PLEKHM3: variants seen among roughly 807,000 people sequenced by gnomAD.
PLEKHM3 encodes the protein pleckstrin homology domain containing M3.
A neutral mutation model predicts 81.8 loss-of-function variants in PLEKHM3; 45 were observed. That is an observed-to-expected ratio of 0.55 (90% confidence interval 0.43 to 0.71). PLEKHM3 has a LOEUF of 0.71. Among genes scored for constraint, PLEKHM3 ranks in the 30% least tolerant of loss-of-function variants. The pLI, the probability that PLEKHM3 is intolerant of heterozygous loss-of-function variation, is 0.00. For synonymous variants in PLEKHM3, 352 were observed against 356.4 expected (o/e 0.99, Z 0.14); for missense variants, 788 against 924.3 (o/e 0.85, Z 1.91).
intron 2 of PLEKHM3, among the ~76,000 whole-genome samples, chr2:207,985,706 C>T (rs953062646): frequency 6.6e-6 from 1 of 151,810 alleles, no homozygotes; most frequent in Admixed American, 6.6e-5. Context: ...ATGTTCTGGC[C>T]GGGTGCGGTG....
At chr2:207,933,287 A>C (rs1425647186) in intron 4 of PLEKHM3, among the ~76,000 whole-genome samples, 1 of 152,226 alleles carries the variant, frequency 6.6e-6, no homozygotes, top group African/African-American at 2.4e-5. Context: ...CATTCAGTGG[A>C]GAATAAAACA....
chr2:207,936,689 C>T (rs1689763333), intron 4 of PLEKHM3, among the ~76,000 whole-genome samples: 1 of 151,932 alleles, frequency 6.6e-6, no homozygotes, highest in African/African-American at 2.4e-5. Context: ...TTGTACATGC[C>T]TATATCTAGG....
intron 6 of PLEKHM3, among the ~76,000 whole-genome samples, chr2:207,867,480 G>T (rs1311129511): frequency 6.6e-6 from 1 of 152,030 alleles, no homozygotes; most frequent in Non-Finnish European, 1.5e-5. Flanking sequence ...TATTCAGAAG[G>T]GTTAATCTTG....
At chr2:207,914,498 C>CAA (rs533478221) in intron 5 of PLEKHM3, among the ~76,000 whole-genome samples, 3 of 133,270 alleles carry the variant, frequency 2.3e-5, no homozygotes, top group Admixed American at 7.6e-5. Context: ...AACTCCGTCT[C>CAA]AAAAAAAAAA....
chr2:207,828,214 GA>G lies in PLEKHM3; in HGVS notation c.*104del. The G allele has an allele frequency of 9.4e-7, 1 of 1,061,730 alleles. No individual in the cohort carries two copies. The highest frequency in any genetic ancestry group is 1.4e-6 in the Non-Finnish European group (1 of 725,680). 65.8% of individuals were successfully genotyped at this position (1,061,730 alleles called of 1,614,324 possible). ...TATATATCTATATCTAGTTGAAGAG[GA>G]TACATACTCTTCTTCCAAAGGGGTC... is the stretch of plus-strand genomic sequence containing the variant. On this transcript the variant is annotated 3_prime_UTR_variant, in exon 8 of 8. Transcript: ENST00000427836.
At chr2:207,920,491 T>C (rs934028424) in intron 5 of PLEKHM3, among the ~76,000 whole-genome samples, 6 of 152,022 alleles carry the variant, frequency 3.9e-5, no homozygotes, top group Non-Finnish European at 8.8e-5. Flanking sequence ...GAAGAGAAAA[T>C]ATGACTTGAA....
chr2:207,829,789 G>A (rs577460984), intron 7 of PLEKHM3, among the ~76,000 whole-genome samples: 7 of 152,274 alleles, frequency 4.6e-5, no homozygotes, highest in African/African-American at 1.4e-4. Context: ...AGAGGGTTGC[G>A]AAGGAACCAG....
chr2:207,865,813 T>A (rs868693257), intron 6 of PLEKHM3, among the ~76,000 whole-genome samples: 10,510 of 65,602 alleles, frequency 0.16, 2,056 homozygotes, highest in Non-Finnish European at 0.24. Context: ...GATATATATA[T>A]ATATATATAT....
chr2:207,852,936 C>T (rs945107519), intron 7 of PLEKHM3: 26 of 392,726 alleles, frequency 6.6e-5, no homozygotes, highest in African/African-American at 5.3e-4. Context: ...TCTCACTCAA[C>T]ATGCACATCA....
intron 7 of PLEKHM3, among the ~76,000 whole-genome samples, chr2:207,846,511 A>AT (rs1160473014): frequency 6.6e-6 from 1 of 151,308 alleles, no homozygotes. Flanking sequence ...GCCAATTAAA[A>AT]TTTTTTTCCT....
chr2:207,865,766 AC>A (rs1326466624), intron 6 of PLEKHM3, among the ~76,000 whole-genome samples: 1 of 127,400 alleles, frequency 7.8e-6, no homozygotes, highest in Non-Finnish European at 1.6e-5. Flanking sequence ...GGCAACAAGA[AC>A]AAAAACTCCG....
rs200816436 is a variant in PLEKHM3 at position 207,908,555 on chromosome 2, G to C, written c.1909C>G (p.Leu637Val). The C allele has an allele frequency of 1.2e-4, 200 of 1,613,196 alleles. 2 individuals carry two copies. In the East Asian group the frequency reaches 3.7e-3, roughly 30 times the overall value. Residue 637 changes from leucine (L) to valine (V), a missense_variant, in exon 6 of 8, where the codon CTT (leucine) becomes GTT (valine). Physicochemically the swap from Leu to Val is conservative, Grantham distance 32. Coordinates refer to ENST00000427836, the MANE Select transcript of PLEKHM3 (RefSeq NM_001080475.3). ...RRRIFPREYL[L>V]QQIHLYSLAD... ...AGTGAATACAGGTGGATCTGTTGAA[G>C]GAGGTATTCTCTGGGGAAAATTCTG...
intron 7 of PLEKHM3, among the ~76,000 whole-genome samples, chr2:207,846,687 C>A (rs1000658084): frequency 4.0e-5 from 6 of 151,386 alleles, no homozygotes; most frequent in Admixed American, 2.6e-4. Flanking sequence ...GGTGCCACTG[C>A]ACTCCAGCCT....
intron 3 of PLEKHM3, among the ~76,000 whole-genome samples, chr2:207,948,765 G>A (rs187554410): frequency 0.013 from 1,993 of 152,126 alleles, 52 homozygotes; most frequent in African/African-American, 0.046. Context: ...GGATGGTCTC[G>A]ATCTCCTGAC....
intron 7 of PLEKHM3, among the ~76,000 whole-genome samples, chr2:207,860,065 TC>T (rs1199664612): frequency 6.6e-6 from 1 of 152,016 alleles, no homozygotes; most frequent in Non-Finnish European, 1.5e-5. Context: ...AGGAGTTTCC[TC>T]CCTTTAAGAG....
intron 1 of PLEKHM3, among the ~76,000 whole-genome samples, chr2:208,015,112 T>C (rs1477803292): frequency 6.6e-6 from 1 of 152,256 alleles, no homozygotes; most frequent in Non-Finnish European, 1.5e-5. Context: ...TTAAGCCTTT[T>C]ACTGCATTAT....
At chr2:207,980,868 C>A (rs1691498939) in intron 2 of PLEKHM3, among the ~76,000 whole-genome samples, 1 of 152,042 alleles carries the variant, frequency 6.6e-6, no homozygotes, top group Non-Finnish European at 1.5e-5. Flanking sequence ...GTGGCTTACA[C>A]CTGTAATCCC....
chr2:207,837,761 ATTT>A lies in PLEKHM3; in HGVS notation c.2109-9268_2109-9266del, dbSNP rs1194861994. 5.8e-3 allele frequency among the ~76,000 whole-genome samples: 431 copies of A among 74,720 alleles called. 83 individuals are homozygous for A. Among genetic ancestry groups the A allele is most frequent in the African/African-American group, 0.013 (257 of 19,434 alleles). 49.0% of individuals were successfully genotyped at this position (74,720 alleles called of 152,430 possible). On this transcript the variant is annotated intron_variant, in intron 7 of 7. Transcript: ENST00000427836. Reference sequence around the variant, plus strand: ...GCCACGGCGCCTGGCCGGTTCTTCCATTTTTTTTTTTTTTTTTTTTTTTTTTTG... The same window carrying A: ...GCCACGGCGCCTGGCCGGTTCTTCCATTTTTTTTTTTTTTTTTTTTTTTTG...
chr2:207,833,957 CTAATAT>C (rs982243696), intron 7 of PLEKHM3, among the ~76,000 whole-genome samples: 1 of 152,168 alleles, frequency 6.6e-6, no homozygotes, highest in Non-Finnish European at 1.5e-5. Context: ...GTTGAAACCA[CTAATAT>C]TAATATTAAC....
Sources: allele counts gnomAD v4.1 joint callset (sites outside exome capture counted in the v4.1 genomes callset), GRCh38; gene constraint gnomAD v4.1.1; transcripts MANE v1.5; gene names NCBI Gene and HGNC (gene_info 2026-07-23, HGNC 2026-07-21).